GRIA3: variants seen among roughly 807,000 people sequenced by gnomAD.
The protein encoded by GRIA3 is glutamate receptor 3.
Under a neutral mutation model 63.0 loss-of-function variants are expected in GRIA3, and 3 were observed. The observed-to-expected ratio is 0.05, with a 90% CI of 0.02 to 0.12. GRIA3 has a LOEUF of 0.12. Among genes scored for constraint, GRIA3 ranks in the 10% least tolerant of loss-of-function variants. GRIA3 has a pLI of 1.00. For synonymous variants in GRIA3, 274 were observed against 257.9 expected, an observed-to-expected ratio of 1.06 and a Z score of -0.60; for missense variants, 347 against 700.9, an observed-to-expected ratio of 0.50 and a Z score of 5.70.
intron 5 of GRIA3, among the ~76,000 whole-genome samples, chrX:123,386,861 C>G (rs1362210963): frequency 9.0e-6 from 1 of 111,496 alleles, no homozygotes; most frequent in Non-Finnish European, 1.9e-5. Flanking sequence ...ATTACTATAG[C>G]CTGGTGACAC....
chrX:123,391,773 C>G (rs1454948507), intron 5 of GRIA3, among the ~76,000 whole-genome samples: 1 of 112,109 alleles, frequency 8.9e-6, no homozygotes, highest in African/African-American at 3.2e-5. Context: ...GTGCTTTGTC[C>G]TGGTGATGAT....
chrX:123,253,201 G>T lies in GRIA3; in HGVS notation c.269-102G>T. On this transcript the variant is annotated intron_variant, in intron 2 of 15. Transcript: ENST00000620443. ...TTTTCAGGGGCTTCTTTCTTCTGAG[G>T]TATGCAATTTGGGGCCTAATTGTAC... 3.2e-6 allele frequency: 3 copies of T among 942,376 alleles called. No homozygotes were observed. The Admixed American group carries it at 6.6e-5, about 21-fold the overall frequency. 77.7% of individuals were successfully genotyped at this position (942,376 alleles called of 1,213,427 possible). A position where few individuals can be genotyped will look rare whatever the true frequency, so the allele number is the denominator to read the frequency against.
At chrX:123,195,090 C>A (rs1927539757) in intron 2 of GRIA3, among the ~76,000 whole-genome samples, 1 of 113,265 alleles carries the variant, frequency 8.8e-6, no homozygotes, top group African/African-American at 3.2e-5. Flanking sequence ...ATGCTCTGAA[C>A]TAGACGTCAT....
intron 10 of GRIA3, among the ~76,000 whole-genome samples, chrX:123,412,252 T>C (rs1454523452): frequency 8.9e-6 from 1 of 111,740 alleles, no homozygotes; most frequent in Non-Finnish European, 1.9e-5. Context: ...GTGTTCAAAA[T>C]ACCTACTGAG....
intron 14 of GRIA3, among the ~76,000 whole-genome samples, chrX:123,482,104 T>C (rs1174029177): frequency 8.9e-6 from 1 of 112,116 alleles, no homozygotes; most frequent in Non-Finnish European, 1.9e-5. Context: ...CTTTGTGCTG[T>C]GCCCTTGTTC....
At chrX:123,436,645 C>T (rs777435623) in intron 12 of GRIA3, among the ~76,000 whole-genome samples, 77 of 111,975 alleles carry the variant, frequency 6.9e-4, no homozygotes, top group African/African-American at 2.4e-3. Context: ...TTTATGAGAG[C>T]GTTTCACAGC....
chrX:123,283,125 T>C (rs1471746992), intron 3 of GRIA3, among the ~76,000 whole-genome samples: 3 of 111,270 alleles, frequency 2.7e-5, no homozygotes, highest in Non-Finnish European at 5.7e-5. Context: ...CATTGCCTCA[T>C]CCGGGAAGCA....
At chrX:123,369,966 C>A (rs1223209231) in intron 5 of GRIA3, among the ~76,000 whole-genome samples, 1 of 111,615 alleles carries the variant, frequency 9.0e-6, no homozygotes, top group Non-Finnish European at 1.9e-5. Flanking sequence ...TACATTCTAC[C>A]AGTGACCTTA....
chrX:123,436,015 A>C (rs2045642256), intron 12 of GRIA3, among the ~76,000 whole-genome samples: 1 of 111,241 alleles, frequency 9.0e-6, no homozygotes, highest in African/African-American at 3.3e-5. Context: ...CCAGCAATAG[A>C]GCAATTAAAA....
At chrX:123,342,769 G>A (rs762816637) in intron 4 of GRIA3, among the ~76,000 whole-genome samples, 1 of 111,810 alleles carries the variant, frequency 8.9e-6, no homozygotes, top group East Asian at 2.8e-4. Flanking sequence ...AAAATAATTA[G>A]GGGAAACCAA....
At chrX:123,365,892 G>A (rs1346382252) in intron 5 of GRIA3, among the ~76,000 whole-genome samples, 1 of 111,866 alleles carries the variant, frequency 8.9e-6, no homozygotes, top group Non-Finnish European at 1.9e-5. Context: ...CAGCCCCTAG[G>A]GCTGCTGGTT....
At chrX:123,196,476 C>A (rs978161125) in intron 2 of GRIA3, among the ~76,000 whole-genome samples, 1 of 111,746 alleles carries the variant, frequency 8.9e-6, no homozygotes, top group Non-Finnish European at 1.9e-5. Flanking sequence ...TAGACCCAGA[C>A]AAATTCAGCT....
chrX:123,415,757 G>A (rs2045533385), intron 10 of GRIA3, among the ~76,000 whole-genome samples: 1 of 111,816 alleles, frequency 8.9e-6, no homozygotes, highest in Non-Finnish European at 1.9e-5. Flanking sequence ...CCACTAGGAT[G>A]TAAAGGATGT....
At chrX:123,375,987 T>C (rs1428839533) in intron 5 of GRIA3, among the ~76,000 whole-genome samples, 3 of 112,289 alleles carry the variant, frequency 2.7e-5, no homozygotes, top group Non-Finnish European at 3.8e-5. Flanking sequence ...GTGAATAAGC[T>C]AAATGTCTTA....
intron 3 of GRIA3, among the ~76,000 whole-genome samples, chrX:123,291,622 A>G (rs901632655): frequency 9.0e-6 from 1 of 111,178 alleles, no homozygotes; most frequent in Non-Finnish European, 1.9e-5. Flanking sequence ...GTATAAAAGA[A>G]TAACATCAAA....
At chrX:123,255,161 G>T (rs5958201) in intron 3 of GRIA3, among the ~76,000 whole-genome samples, 4,146 of 111,778 alleles carry the variant, frequency 0.037, 219 homozygotes, top group African/African-American at 0.13. Context: ...ATTGTGGAAA[G>T]GTTGCACTCC....
chrX:123,379,479 C>G (rs2045307360), intron 5 of GRIA3, among the ~76,000 whole-genome samples: 1 of 110,640 alleles, frequency 9.0e-6, no homozygotes, highest in Admixed American at 9.7e-5. Context: ...TTCTCCCCTT[C>G]TTTATTTCCT....
At chrX:123,222,693 G>C (rs991727856) in intron 2 of GRIA3, among the ~76,000 whole-genome samples, 1 of 112,020 alleles carries the variant, frequency 8.9e-6, no homozygotes, top group Non-Finnish European at 1.9e-5. Context: ...GAGCATCAGT[G>C]TTTTTTAAAA....
At chrX:123,307,755 G>T (rs1466229729) in intron 3 of GRIA3, among the ~76,000 whole-genome samples, 1 of 110,616 alleles carries the variant, frequency 9.0e-6, no homozygotes, top group Non-Finnish European at 1.9e-5. Context: ...TGTGTGGGAA[G>T]CCACTGTGCG....
Sources: allele counts gnomAD v4.1 joint callset (sites outside exome capture counted in the v4.1 genomes callset), GRCh38; gene constraint gnomAD v4.1.1; transcripts MANE v1.5; gene names NCBI Gene and HGNC (gene_info 2026-07-23, HGNC 2026-07-21).